ADAM7: variants seen among roughly 807,000 people sequenced by gnomAD.
ADAM7 encodes ADAM metallopeptidase domain 7, also known as disintegrin and metalloproteinase domain-containing protein 7.
In ADAM7, 97 loss-of-function variants were observed where a neutral mutation model predicts 102.9. The observed-to-expected ratio is 0.94, with a 90% CI of 0.80 to 1.12. ADAM7 has a LOEUF of 1.12. ADAM7 is among the 50% of genes most tolerant of loss of function. The pLI, the probability that ADAM7 is intolerant of heterozygous loss-of-function variation, is 0.00. For missense variants in ADAM7, 991 were observed against 908.7 expected, an observed-to-expected ratio of 1.09 and a Z score of -1.16; for synonymous variants, 334 against 304.4, an observed-to-expected ratio of 1.10 and a Z score of -1.01.
chr8:24,460,586 C>A (rs537394599), intron 3 of ADAM7, among the ~76,000 whole-genome samples: 32 of 152,056 alleles, frequency 2.1e-4, no homozygotes, highest in Non-Finnish European at 4.4e-4. Context: ...TTAGAGATTG[C>A]AGCATATATT....
chr8:24,452,736 T>C (rs1818848332), intron 3 of ADAM7, among the ~76,000 whole-genome samples: 1 of 151,924 alleles, frequency 6.6e-6, no homozygotes, highest in Non-Finnish European at 1.5e-5. Flanking sequence ...ATGCAGTTTC[T>C]TCCTAGCCTC....
chr8:24,474,216 A>T (rs918390259), intron 7 of ADAM7, among the ~76,000 whole-genome samples: 2 of 152,152 alleles, frequency 1.3e-5, no homozygotes, highest in Non-Finnish European at 2.9e-5. Context: ...TATGAACAAA[A>T]TTTTAAATCA....
intron 7 of ADAM7, 131 bp from the exon 8 acceptor site, chr8:24,476,302 T>A (rs1486468303): frequency 1.6e-6 from 1 of 625,958 alleles, no homozygotes; most frequent in East Asian, 2.8e-5. Context: ...TTTAGCTGAA[T>A]GAAAGGAGTT....
intron 21 of ADAM7, 49 bp downstream of exon 21, chr8:24,507,584 TGG>T (rs1563401315): frequency 1.4e-6 from 2 of 1,473,156 alleles, no homozygotes; most frequent in South Asian, 2.3e-5. Context: ...TTTCAAATGC[TGG>T]CATAGTTTTG....
At chr8:24,465,161 C>A (rs542401896) in intron 4 of ADAM7, among the ~76,000 whole-genome samples, 1 of 152,210 alleles carries the variant, frequency 6.6e-6, no homozygotes, top group African/African-American at 2.4e-5. Flanking sequence ...GGGTAACATT[C>A]TTTTATGCAG....
At chr8:24,474,413 T>C (rs1435855180) in intron 7 of ADAM7, among the ~76,000 whole-genome samples, 1 of 152,200 alleles carries the variant, frequency 6.6e-6, no homozygotes, top group African/African-American at 2.4e-5. Context: ...TTTAGTTGCA[T>C]TAAACTGGGC....
At chr8:24,502,908 C>A (rs1290756734) in intron 20 of ADAM7, among the ~76,000 whole-genome samples, 2 of 76,110 alleles carry the variant, frequency 2.6e-5, no homozygotes, top group African/African-American at 6.3e-5. Context: ...CTATAAAAGT[C>A]ATTACAAGAA....
chr8:24,464,650 G>A (rs967902371), intron 4 of ADAM7, among the ~76,000 whole-genome samples: 10 of 152,346 alleles, frequency 6.6e-5, no homozygotes, highest in Non-Finnish European at 8.8e-5. Flanking sequence ...TGCCAGGCTG[G>A]AGCGCAGTGG....
chr8:24,450,296 T>G (rs1818732088), intron 3 of ADAM7, among the ~76,000 whole-genome samples: 1 of 152,202 alleles, frequency 6.6e-6, no homozygotes, highest in South Asian at 2.1e-4. Flanking sequence ...GGAATGTTCT[T>G]CCATTTCTTT....
chr8:24,448,733 T>C (rs1167540807), intron 3 of ADAM7, among the ~76,000 whole-genome samples: 1 of 151,946 alleles, frequency 6.6e-6, no homozygotes, highest in Admixed American at 6.6e-5. Flanking sequence ...TTAGTTTACA[T>C]GGGCCATGGT....
At chr8:24,455,939 A>G (rs1819015674) in intron 3 of ADAM7, among the ~76,000 whole-genome samples, 1 of 152,180 alleles carries the variant, frequency 6.6e-6, no homozygotes, top group Non-Finnish European at 1.5e-5. Flanking sequence ...TAATTAACAT[A>G]TCTATCACCT....
Position 24,482,153 on chromosome 8 carries a change from C to T in ADAM7, c.717C>T (p.Thr239=). ...MVNFVNMIYK[T]LNIHVTLVGI... ...TCTTCTTTGAACAGATTTATAAAAC[C>T]TTAAACATCCATGTGACGTTGGTTG... Residue 239 remains threonine, a synonymous_variant, in exon 9 of 22, where the codon ACC becomes ACT. Coordinates refer to ENST00000175238, the MANE Select transcript of ADAM7 (RefSeq NM_003817.4). The T allele has an allele frequency of 6.3e-7, 1 of 1,579,256 alleles. No individual in the cohort carries two copies. Among genetic ancestry groups the T allele is most frequent in the Non-Finnish European group, 8.6e-7 (1 of 1,169,306 alleles).
rs1042637685 is a variant in ADAM7 at position 24,454,090 on chromosome 8, A to G, written c.233+6828A>G. 2.6e-5 allele frequency among the ~76,000 whole-genome samples: 4 copies of G among 152,136 alleles called. 1 individual carries two copies. Among genetic ancestry groups the G allele is most frequent in the Admixed American group, 1.3e-4 (2 of 15,280 alleles). On this transcript the variant is annotated intron_variant, in intron 3 of 21. Transcript: ENST00000175238. ...GGGGTGCCTCCCAGTTAGGCTGCTCAGGGGTCAGGGGTCAGGGACCCACTC... is the reference window on the plus strand; with the variant it reads ...GGGGTGCCTCCCAGTTAGGCTGCTCGGGGGTCAGGGGTCAGGGACCCACTC...
intron 10 of ADAM7, among the ~76,000 whole-genome samples, chr8:24,486,030 G>A (rs1220519242): frequency 7.9e-5 from 12 of 152,018 alleles, no homozygotes; most frequent in Non-Finnish European, 1.8e-4. Flanking sequence ...TAGTTATTTT[G>A]TGTGTATAGC....
intron 13 of ADAM7, 115 bp from the exon 14 acceptor site, chr8:24,491,788 C>T (rs954437943): frequency 5.7e-6 from 4 of 707,638 alleles, no homozygotes; most frequent in African/African-American, 3.6e-5. Flanking sequence ...GAGAAGGAAG[C>T]TATGATCCAT....
At chr8:24,448,273 G>A (rs748022471) in intron 3 of ADAM7, among the ~76,000 whole-genome samples, 1 of 152,120 alleles carries the variant, frequency 6.6e-6, no homozygotes, top group Non-Finnish European at 1.5e-5. Context: ...ACATGATGAT[G>A]CAGATGGTCT....
At chr8:24,474,283 AATTTT>A (rs754514358) in intron 7 of ADAM7, among the ~76,000 whole-genome samples, 2 of 152,180 alleles carry the variant, frequency 1.3e-5, no homozygotes, top group Non-Finnish European at 2.9e-5. Context: ...GTTGCTGAGA[AATTTT>A]ATAAAGAATG....
At chr8:24,460,684 T>C (rs1170812237) in intron 3 of ADAM7, among the ~76,000 whole-genome samples, 1 of 151,936 alleles carries the variant, frequency 6.6e-6, no homozygotes, top group African/African-American at 2.4e-5. Context: ...CAGACACTCC[T>C]TATTTGTGAA....
chr8:24,500,644 C>A, intron 18 of ADAM7, 146 bp from the exon 19 acceptor site: 1 of 640,548 alleles, frequency 1.6e-6, no homozygotes, highest in Non-Finnish European at 2.6e-6. Context: ...GGGCTTTTTA[C>A]TTTACATAAA....
Sources: allele counts gnomAD v4.1 joint callset (sites outside exome capture counted in the v4.1 genomes callset), GRCh38; gene constraint gnomAD v4.1.1; transcripts MANE v1.5; gene names NCBI Gene and HGNC (gene_info 2026-07-23, HGNC 2026-07-21).